The following CNBD1 variants were observed in gnomAD, a reference collection of about 807,000 sequenced individuals.
The protein encoded by CNBD1 is cyclic nucleotide binding domain containing 1.
CNBD1 carries 71 observed loss-of-function variants against 54.4 expected under a neutral mutation model. The ratio of observed to expected loss-of-function variants is 1.30; its 90% CI spans 1.08 to 1.59. CNBD1 has a LOEUF of 1.59. Ranked by LOEUF, CNBD1 falls within the 40% of genes most tolerant of loss-of-function variation. The probability of loss-of-function intolerance (pLI) is 0.00; values close to 1 mark genes in which losing one functional copy is unlikely to be tolerated. For synonymous variants in CNBD1, 182 were observed against 170.7 expected (o/e 1.07, Z -0.51); for missense variants, 659 against 518.0 (o/e 1.27, Z -2.64).
chr8:87,000,588 T>TA (rs1563853518), intron 4 of CNBD1, among the ~76,000 whole-genome samples: 1 of 152,090 alleles, frequency 6.6e-6, no homozygotes, highest in Non-Finnish European at 1.5e-5. Context: ...AAGATAACAC[T>TA]AAAAAAAGCA....
At chr8:87,011,386 T>C (rs1440088975) in intron 4 of CNBD1, among the ~76,000 whole-genome samples, 2 of 152,292 alleles carry the variant, frequency 1.3e-5, no homozygotes, top group Non-Finnish European at 1.5e-5. Context: ...TAGTTTCCAC[T>C]TGGCAGCATT....
At chr8:86,919,693 CA>C (rs1047552108) in intron 3 of CNBD1, among the ~76,000 whole-genome samples, 1 of 152,184 alleles carries the variant, frequency 6.6e-6, no homozygotes, top group African/African-American at 2.4e-5. Context: ...TTTAATTTAA[CA>C]ATGGGAATTT....
At chr8:87,073,999 G>T (rs1688744379) in intron 4 of CNBD1, among the ~76,000 whole-genome samples, 1 of 151,872 alleles carries the variant, frequency 6.6e-6, no homozygotes, top group African/African-American at 2.4e-5. Context: ...TACTCGGGAG[G>T]CTGAGGCAGG....
chr8:86,966,842 AC>A (rs796771258), intron 4 of CNBD1, among the ~76,000 whole-genome samples: 13 of 152,080 alleles, frequency 8.5e-5, no homozygotes, highest in African/African-American at 2.7e-4. Context: ...ATGGAAGAGG[AC>A]CCTAGGGGGT....
intron 4 of CNBD1, among the ~76,000 whole-genome samples, chr8:87,181,108 A>G (rs1813302549): frequency 6.6e-6 from 1 of 152,088 alleles, no homozygotes; most frequent in African/African-American, 2.4e-5. Flanking sequence ...TGATGTTTTT[A>G]TCATTATTTT....
At chr8:86,886,491 T>C (rs1164839981) in intron 1 of CNBD1, among the ~76,000 whole-genome samples, 1 of 152,182 alleles carries the variant, frequency 6.6e-6, no homozygotes, top group East Asian at 1.9e-4. Flanking sequence ...CAATCAGTTG[T>C]CTGCTTAAAT....
intron 2 of CNBD1, among the ~76,000 whole-genome samples, chr8:87,396,096 C>G (rs1811404932): frequency 6.6e-6 from 1 of 151,812 alleles, no homozygotes; most frequent in Admixed American, 6.6e-5. Context: ...ACTAATACAA[C>G]AGATAAAGAT....
chr8:87,420,948 A>G (rs1176251074), intron 2 of CNBD1, among the ~76,000 whole-genome samples: 4 of 152,100 alleles, frequency 2.6e-5, no homozygotes, highest in Non-Finnish European at 5.9e-5. Flanking sequence ...ATATTGAATT[A>G]AACTGATGAC....
In CNBD1 at chr8:87,079,743, T is replaced by C. The variant is rs376506339; in HGVS notation, c.432-126250T>C. ...ACACATATTTTGTCTCACAAATGTA[T>C]TGCAAATATTTTTCCAATTCTGTGG... On this transcript the variant is annotated intron_variant, in intron 4 of 10. Transcript: ENST00000518476. Among the ~76,000 whole-genome samples, 13 of 152,298 alleles carry C rather than the reference T, an allele frequency of 8.5e-5. 1 individual carries two copies. The highest frequency in any genetic ancestry group is 2.9e-4 in the African/African-American group (12 of 41,572).
At chr8:86,985,350 C>T (rs185281134) in intron 4 of CNBD1, among the ~76,000 whole-genome samples, 2 of 152,174 alleles carry the variant, frequency 1.3e-5, no homozygotes, top group African/African-American at 4.8e-5. Flanking sequence ...AGGTAGTGAG[C>T]ATATTACCCA....
intron 6 of CNBD1, among the ~76,000 whole-genome samples, chr8:87,273,762 A>G (rs1275484320): frequency 1.3e-5 from 2 of 151,924 alleles, no homozygotes; most frequent in East Asian, 3.9e-4. Flanking sequence ...AATTTAATTG[A>G]CAAATAAGTT....
rs537527819 is a variant in CNBD1, at chr8:87,185,527, C to T, written c.432-20466C>T. On this transcript the variant is annotated intron_variant, in intron 4 of 10. Transcript: ENST00000518476. ...TTTAGATATTGTTAGGCAGGATCAG[C>T]ACAGCATTTAGTCTATGGCACATTT... Among the ~76,000 whole-genome samples, 6 of 152,246 alleles carry T rather than the reference C, an allele frequency of 3.9e-5. No individual in the cohort carries two copies. In the South Asian group the frequency reaches 1.2e-3, roughly 32 times the overall value.
chr8:87,211,184 A>G (rs1331781257), intron 5 of CNBD1, among the ~76,000 whole-genome samples: 2 of 152,172 alleles, frequency 1.3e-5, no homozygotes, highest in African/African-American at 2.4e-5. Context: ...CTTTTGGTCA[A>G]TTTATCCCTT....
intron 3 of CNBD1, among the ~76,000 whole-genome samples, chr8:86,932,022 G>A (rs1016280957): frequency 6.6e-6 from 1 of 152,164 alleles, no homozygotes; most frequent in African/African-American, 2.4e-5. Context: ...CAATACTGGG[G>A]ACAGCTTGCT....
rs991398163 is a variant in CNBD1 at position 87,348,585 on chromosome 8, A to C, written c.1043-3100A>C. On this transcript the variant is annotated intron_variant, in intron 8 of 10. Transcript: ENST00000518476. ...TTCAGCTAATGGATGTCGTGCTCAA[A>C]GTTGCCTCGGCATTGTCCATCCTGA... Among the ~76,000 whole-genome samples the C allele has an allele frequency of 2.0e-5, 3 of 152,174 alleles. No individual in the cohort carries two copies. The East Asian group carries it at 5.8e-4, about 29-fold the overall frequency.
At chr8:87,341,398 TC>T (rs1810060535) in intron 8 of CNBD1, among the ~76,000 whole-genome samples, 1 of 152,116 alleles carries the variant, frequency 6.6e-6, no homozygotes, top group Admixed American at 6.5e-5. Context: ...TTTTTTTCCA[TC>T]CCTAGGGGGA....
chr8:87,424,427 C>T (rs1808006315), intron 2 of CNBD1, among the ~76,000 whole-genome samples: 1 of 152,108 alleles, frequency 6.6e-6, no homozygotes, highest in South Asian at 2.1e-4. Flanking sequence ...CTATAAGTTT[C>T]CCTCTACACA....
intron 2 of CNBD1, among the ~76,000 whole-genome samples, chr8:86,901,511 G>A (rs1248919218): frequency 2.6e-5 from 4 of 152,134 alleles, no homozygotes; most frequent in African/African-American, 9.7e-5. Flanking sequence ...ATGAGATGCA[G>A]AAGAAATATT....
intron 10 of CNBD1, among the ~76,000 whole-genome samples, chr8:87,354,781 C>G (rs1677655700): frequency 6.6e-6 from 1 of 152,236 alleles, no homozygotes; most frequent in African/African-American, 2.4e-5. Context: ...GTATATGTGC[C>G]ACATTTTCTT....
Sources: gnomAD v4.1 joint callset for allele counts (sites outside exome capture counted in the v4.1 genomes callset) on GRCh38, gnomAD v4.1.1 for gene constraint, MANE v1.5 for transcripts, NCBI Gene and HGNC (gene_info 2026-07-23, HGNC 2026-07-21) for gene names.